Variants in ASTN1 observed in about 807,000 individuals in gnomAD.
The protein encoded by ASTN1 is astrotactin 1, also known as astrotactin-1.
In ASTN1, 41 loss-of-function variants were observed where a neutral mutation model predicts 140.7. The ratio of observed to expected loss-of-function variants is 0.29; its 90% CI spans 0.23 to 0.38. The LOEUF (loss-of-function observed/expected upper bound fraction) is 0.38, where lower values mean the gene tolerates loss of function less well. Ranked by LOEUF, ASTN1 falls within the 10% of genes least tolerant of loss-of-function variation. The probability of loss-of-function intolerance (pLI) is 1.00; values close to 1 mark genes in which losing one functional copy is unlikely to be tolerated. For missense variants in ASTN1, 1,479 were observed against 1,678.8 expected, an observed-to-expected ratio of 0.88 and a Z score of 2.08; for synonymous variants, 640 against 652.2, an observed-to-expected ratio of 0.98 and a Z score of 0.29.
chr1:176,934,485 T>C, intron 15 of ASTN1, 145 bp from the exon 16 acceptor site: 1 of 757,658 alleles, frequency 1.3e-6, no homozygotes, highest in Non-Finnish European at 2.0e-6. Flanking sequence ...TGGTGAATGT[T>C]TCCATTTAGC....
intron 1 of ASTN1, among the ~76,000 whole-genome samples, chr1:177,125,393 T>A (rs1681591757): frequency 6.6e-6 from 1 of 152,210 alleles, no homozygotes; most frequent in Non-Finnish European, 1.5e-5. Flanking sequence ...GCCCATTTAA[T>A]CCCTCACTGG....
At chr1:177,076,788 G>A (rs894903344) in intron 1 of ASTN1, among the ~76,000 whole-genome samples, 8 of 152,134 alleles carry the variant, frequency 5.3e-5, no homozygotes, top group Admixed American at 5.2e-4. Context: ...CTCCCAAAGT[G>A]CTGGGATTAC....
intron 1 of ASTN1, among the ~76,000 whole-genome samples, chr1:177,163,560 G>A (rs1647514619): frequency 6.6e-6 from 1 of 152,206 alleles, no homozygotes; most frequent in Admixed American, 6.5e-5. Context: ...GAAAATTACA[G>A]TGGGAGTACC....
At chr1:177,070,961 C>T (rs1004973415) in intron 1 of ASTN1, among the ~76,000 whole-genome samples, 1 of 152,150 alleles carries the variant, frequency 6.6e-6, no homozygotes, top group Non-Finnish European at 1.5e-5. Flanking sequence ...ATTACTATCA[C>T]TCACATAAAT....
At chr1:177,005,789 A>G (rs1207357618) in intron 8 of ASTN1, among the ~76,000 whole-genome samples, 3 of 152,116 alleles carry the variant, frequency 2.0e-5, no homozygotes, top group Non-Finnish European at 4.4e-5. Flanking sequence ...CTGTATTTTT[A>G]GTAGAGATGG....
Position 176,939,553 on chromosome 1 carries a change from A to G in ASTN1, c.2378-3183T>C, listed in dbSNP as rs149284798. Among the ~76,000 whole-genome samples, 1,503 of 152,278 alleles carry G rather than the reference A, an allele frequency of 9.9e-3. 25 individuals carry two copies. The highest frequency in any genetic ancestry group is 0.032 in the African/African-American group (1,319 of 41,546). ...AGTTAAAAAGAAAGGGGTATTTTAA[A>G]AGATATATATTTTCTAGGTGAGCCA... On this transcript the variant is annotated intron_variant, in intron 14 of 22. Coordinates refer to ENST00000361833, the MANE Select transcript of ASTN1 (RefSeq NM_004319.3).
chr1:176,911,425 G>A (rs1000827563), intron 16 of ASTN1, among the ~76,000 whole-genome samples: 1 of 152,014 alleles, frequency 6.6e-6, no homozygotes, highest in African/African-American at 2.4e-5. Flanking sequence ...TTTTAAATGT[G>A]TTCACTCTTT....
chr1:176,891,219 T>A (rs1669250619), intron 17 of ASTN1, among the ~76,000 whole-genome samples: 1 of 152,184 alleles, frequency 6.6e-6, no homozygotes, highest in Non-Finnish European at 1.5e-5. Context: ...GGAATCCACA[T>A]TTGTTATCAG....
At chr1:176,903,740 A>G (rs546267165) in intron 16 of ASTN1, among the ~76,000 whole-genome samples, 2 of 152,294 alleles carry the variant, frequency 1.3e-5, no homozygotes, top group African/African-American at 4.8e-5. Flanking sequence ...TAGGGCTGCT[A>G]TAACAAACCG....
chr1:177,156,199 G>GGCAGAGGTTGCAGTGA, intron 1 of ASTN1, among the ~76,000 whole-genome samples: 1 of 151,840 alleles, frequency 6.6e-6, no homozygotes, highest in Non-Finnish European at 1.5e-5. Context: ...AAACCCAGGA[G>GGCAGAGGTTGCAGTGA]GCAGAGGTTG....
At chr1:176,894,521 T>C (rs771419358) in intron 17 of ASTN1, 41 bp downstream of exon 17, 4 of 1,600,336 alleles carry the variant, frequency 2.5e-6, no homozygotes, top group East Asian at 2.2e-5. Context: ...CCTTCTGTTG[T>C]GGTTGACGCC....
chr1:177,116,675 T>C (rs894691990), intron 1 of ASTN1, among the ~76,000 whole-genome samples: 1 of 152,150 alleles, frequency 6.6e-6, no homozygotes, highest in African/African-American at 2.4e-5. Flanking sequence ...ATAATACTAG[T>C]GCCTTTTGAC....
At chr1:177,144,130 A>T (rs367888892) in intron 1 of ASTN1, among the ~76,000 whole-genome samples, 1 of 150,730 alleles carries the variant, frequency 6.6e-6, no homozygotes, top group African/African-American at 2.5e-5. Flanking sequence ...TGCGGATGTC[A>T]TAAGAGATTC....
At chr1:177,104,093 C>A (rs1680431882) in intron 1 of ASTN1, among the ~76,000 whole-genome samples, 1 of 151,976 alleles carries the variant, frequency 6.6e-6, no homozygotes, top group African/African-American at 2.4e-5. Context: ...AAAAACAGTA[C>A]CCTCGCCCTG....
At chr1:176,993,900 T>C (rs1273889352) in intron 8 of ASTN1, among the ~76,000 whole-genome samples, 2 of 152,216 alleles carry the variant, frequency 1.3e-5, no homozygotes, top group Non-Finnish European at 2.9e-5. Flanking sequence ...CTGCACTTTA[T>C]ACATTGATCT....
At chr1:177,091,966 T>C (rs1679776564) in intron 1 of ASTN1, among the ~76,000 whole-genome samples, 1 of 152,160 alleles carries the variant, frequency 6.6e-6, no homozygotes, top group Admixed American at 6.6e-5. Context: ...TAAAATTTTA[T>C]GTATACTTTT....
intron 16 of ASTN1, among the ~76,000 whole-genome samples, chr1:176,922,909 GTAA>G (rs1266502000): frequency 7.9e-5 from 12 of 152,112 alleles, no homozygotes; most frequent in African/African-American, 2.2e-4. Flanking sequence ...TAGTAATGTA[GTAA>G]TAATAATATG....
chr1:176,995,391 A>C (rs898140941), intron 8 of ASTN1, among the ~76,000 whole-genome samples: 21 of 152,228 alleles, frequency 1.4e-4, no homozygotes, highest in Admixed American at 1.4e-3. Flanking sequence ...ATAGCATCAG[A>C]TGGGTATCTC....
chr1:177,054,227 TA>T (rs1677685956), intron 2 of ASTN1, among the ~76,000 whole-genome samples: 1 of 152,106 alleles, frequency 6.6e-6, no homozygotes, highest in African/African-American at 2.4e-5. Context: ...GCAAAATGAG[TA>T]ATAACAAACC....
Sources: allele counts gnomAD v4.1 joint callset (sites outside exome capture counted in the v4.1 genomes callset), GRCh38; gene constraint gnomAD v4.1.1; transcripts MANE v1.5; gene names NCBI Gene and HGNC (gene_info 2026-07-23, HGNC 2026-07-21).